Variants in SENP6 observed in about 807,000 individuals in gnomAD.
The protein encoded by SENP6 is sentrin-specific protease 6.
SENP6 carries 41 observed loss-of-function variants against 134.5 expected under a neutral mutation model. The observed-to-expected ratio is 0.30, with a 90% confidence interval of 0.24 to 0.40. The LOEUF is 0.40. SENP6 is among the 10% of genes least tolerant of loss of function. The probability of loss-of-function intolerance (pLI) is 1.00; values close to 1 mark genes in which losing one functional copy is unlikely to be tolerated. For synonymous variants in SENP6, 395 were observed against 429.8 expected (o/e 0.92, Z 1.00); for missense variants, 1,248 against 1,312.5 (o/e 0.95, Z 0.76).
intron 20 of SENP6, among the ~76,000 whole-genome samples, chr6:75,710,469 T>C (rs1019788408): frequency 6.6e-6 from 1 of 152,204 alleles, no homozygotes; most frequent in African/African-American, 2.4e-5. Flanking sequence ...CTGAGTTGTA[T>C]AGTAGTGAAG....
At chr6:75,673,678 A>G (rs2149875776) in intron 11 of SENP6, among the ~76,000 whole-genome samples, 1 of 152,248 alleles carries the variant, frequency 6.6e-6, no homozygotes, top group South Asian at 2.1e-4. Context: ...CTAAATGACA[A>G]ATACTTAGAT....
intron 23 of SENP6, among the ~76,000 whole-genome samples, chr6:75,714,715 C>T (rs1775938507): frequency 6.6e-6 from 1 of 152,162 alleles, no homozygotes; most frequent in South Asian, 2.1e-4. Context: ...AGCTTTAATA[C>T]AACAGCCAGC....
intron 20 of SENP6, among the ~76,000 whole-genome samples, chr6:75,711,028 T>G (rs1457980580): frequency 6.6e-6 from 1 of 152,158 alleles, no homozygotes; most frequent in African/African-American, 2.4e-5. Flanking sequence ...GCAGTAATAT[T>G]TGGTGGGAGA....
At chr6:75,648,103 A>G (rs192926005) in intron 7 of SENP6, among the ~76,000 whole-genome samples, 29 of 152,290 alleles carry the variant, frequency 1.9e-4, no homozygotes, top group Admixed American at 6.5e-4. Context: ...TTATTGAACT[A>G]TGTTATAATG....
chr6:75,707,820 C>T (rs780417699), intron 19 of SENP6, among the ~76,000 whole-genome samples: 1 of 151,976 alleles, frequency 6.6e-6, no homozygotes, highest in Non-Finnish European at 1.5e-5. Context: ...GTAACTGGGA[C>T]CACAGGTGCC....
chr6:75,686,496 G>A (rs1429129802), intron 16 of SENP6, among the ~76,000 whole-genome samples: 1 of 152,174 alleles, frequency 6.6e-6, no homozygotes, highest in African/African-American at 2.4e-5. Context: ...AGCATCGATG[G>A]TCTTTACAAT....
intron 18 of SENP6, chr6:75,698,077 C>T (rs534762098): frequency 6.6e-6 from 1 of 152,238 alleles, no homozygotes; most frequent in African/African-American, 2.4e-5. Context: ...TATTCTTTCG[C>T]TTTTCTATGC....
intron 6 of SENP6, chr6:75,644,241 A>G (rs73753518): frequency 2.3e-4 from 35 of 152,216 alleles, no homozygotes; most frequent in African/African-American, 7.0e-4. Flanking sequence ...ATGTAGTTAC[A>G]TCAAAGGGAA....
chr6:75,604,625 C>CA (rs536476652), intron 1 of SENP6, among the ~76,000 whole-genome samples: 38,523 of 134,186 alleles, frequency 0.29, 5,716 homozygotes, highest in Middle Eastern at 0.4. Flanking sequence ...ATTCTGTCTC[C>CA]AAAAAAAAAA....
In SENP6 at chr6:75,619,443, CTA is replaced by C. The variant is rs796351763; in HGVS notation, c.53-2087_53-2086del. Among the ~76,000 whole-genome samples the C allele has an allele frequency of 0.022, 1,593 of 72,786 alleles. 56 individuals carry two copies. The East Asian group carries it at 0.27, about 12-fold the overall frequency. 47.8% of individuals were successfully genotyped at this position (72,786 alleles called of 152,430 possible). On this transcript the variant is annotated intron_variant, in intron 1 of 23. Transcript: ENST00000447266. ...AAGGCTGAATAACATTCCGTTGTGT[CTA>C]TGTGTGTGTGTGTGTGTGTGTGTGT...
In SENP6 at chr6:75,702,738, G is replaced by A. The variant is rs1775122473; in HGVS notation, c.2382G>A (p.Gln794=). Reference sequence around the variant, plus strand: ...ATTACCATGAAAATGCTGTCATACAGAAATGTTCAACTGTAGAGGACAGTT... The same window carrying A: ...ATTACCATGAAAATGCTGTCATACAAAAATGTTCAACTGTAGAGGACAGTT... ...NPHYHENAVI[Q]KCSTVEDSCI... is the part of the protein sequence containing the mutation. The change falls in exon 19 of 24, where the codon CAG becomes CAA. Residue 794 remains glutamine, a synonymous_variant. Coordinates refer to ENST00000447266, the MANE Select transcript of SENP6 (RefSeq NM_015571.4). 6.2e-7 allele frequency: 1 copy of A among 1,613,914 alleles called. No individual in the cohort carries two copies. The highest frequency in any genetic ancestry group is 1.1e-5 in the South Asian group (1 of 91,058).
At chr6:75,626,582 A>G (rs1350612168) in intron 3 of SENP6, among the ~76,000 whole-genome samples, 3 of 152,162 alleles carry the variant, frequency 2.0e-5, no homozygotes, top group Non-Finnish European at 4.4e-5. Flanking sequence ...GCTATTACGT[A>G]TAAGACTTCA....
chr6:75,644,969 A>T (rs528371124), intron 6 of SENP6, among the ~76,000 whole-genome samples: 2 of 152,360 alleles, frequency 1.3e-5, no homozygotes, highest in South Asian at 4.1e-4. Flanking sequence ...CAAAAAATAG[A>T]CTTTCACCAC....
intron 16 of SENP6, 106 bp downstream of exon 16, chr6:75,679,033 G>A: frequency 1.6e-6 from 1 of 619,038 alleles, no homozygotes; most frequent in South Asian, 2.0e-5. Context: ...TTCCATCTCT[G>A]CCACTTACTG....
At position 75,610,544 on chromosome 6, in the gene SENP6, A is replaced by C. The variant is rs1361946593; in HGVS notation, c.52+7968A>C. ...AAAAACAGGGTTGTTTTTGGACCCT[A>C]ATTTTTTTTGTCTACCTTAGGGTTT... On this transcript the variant is annotated intron_variant, in intron 1 of 23. Coordinates refer to ENST00000447266, the MANE Select transcript of SENP6 (RefSeq NM_015571.4). 2.6e-5 allele frequency among the ~76,000 whole-genome samples: 4 copies of C among 152,152 alleles called. No homozygotes were observed. In the East Asian group the frequency reaches 5.8e-4, roughly 22 times the overall value.
At position 75,602,348 on chromosome 6, in the gene SENP6, G is replaced by A. The variant is rs563777715; in HGVS notation, c.-177G>A. On this transcript the variant is annotated 5_prime_UTR_variant, in exon 1 of 24. Coordinates refer to ENST00000447266, the MANE Select transcript of SENP6 (RefSeq NM_015571.4). Reference sequence around the variant, plus strand: ...CCAGCCCGCGGACAGGCCCGGGCGCGCCTGGCCTGCCTTTGTATAGGCCCG... The same window carrying A: ...CCAGCCCGCGGACAGGCCCGGGCGCACCTGGCCTGCCTTTGTATAGGCCCG... 146 of 612,074 alleles carry A rather than the reference G, an allele frequency of 2.4e-4. No individual in the cohort carries two copies. The African/African-American group carries it at 2.5e-3, about 11-fold the overall frequency. The allele number at this position is 612,074 out of a possible 1,614,324, so 37.9% of individuals were successfully genotyped here. A position where few individuals can be genotyped will look rare whatever the true frequency, so the allele number is the denominator to read the frequency against.
intron 16 of SENP6, among the ~76,000 whole-genome samples, chr6:75,689,976 A>ATC (rs1353276242): frequency 6.6e-6 from 1 of 152,170 alleles, no homozygotes; most frequent in East Asian, 1.9e-4. Flanking sequence ...GGAGTGCAGC[A>ATC]TCACAGTCAC....
intron 17 of SENP6, among the ~76,000 whole-genome samples, chr6:75,696,800 A>G (rs947194573): frequency 6.6e-6 from 1 of 152,074 alleles, no homozygotes; most frequent in Non-Finnish European, 1.5e-5. Context: ...ATTCCTCTCC[A>G]ATAGTGATGG....
chr6:75,713,015 G>A (rs1199204305), intron 21 of SENP6, among the ~76,000 whole-genome samples: 1 of 152,094 alleles, frequency 6.6e-6, no homozygotes, highest in Non-Finnish European at 1.5e-5. Context: ...GCTGAGTTGG[G>A]AGGATCACCT....
Sources: gnomAD v4.1 joint callset for allele counts (sites outside exome capture counted in the v4.1 genomes callset) on GRCh38, gnomAD v4.1.1 for gene constraint, MANE v1.5 for transcripts, NCBI Gene and HGNC (gene_info 2026-07-23, HGNC 2026-07-21) for gene names.